Variants in OR1L8 observed in about 807,000 individuals in gnomAD.
The protein encoded by OR1L8 is olfactory receptor family 1 subfamily L member 8, also known as olfactory receptor 1L8.
For missense variants in OR1L8, 330 were observed against 377.4 expected (o/e 0.87, Z 1.04); for synonymous variants, 148 against 147.0 (o/e 1.01, Z -0.05).
At chr9:122,571,753 G>A (rs1402211281) in intron 4 of OR1L8, among the ~76,000 whole-genome samples, 1 of 151,816 alleles carries the variant, frequency 6.6e-6, no homozygotes, top group Non-Finnish European at 1.5e-5. Flanking sequence ...GGTGGAGGTG[G>A]GTCTTGTGTG....
At position 122,567,379 on chromosome 9, in the gene OR1L8, A is replaced by G; in HGVS notation, c.*169T>C. 2.0e-6 allele frequency: 1 copy of G among 509,898 alleles called. No individual in the cohort carries two copies. The highest frequency in any genetic ancestry group is 3.4e-6 in the Non-Finnish European group (1 of 292,514). 31.6% of individuals were successfully genotyped at this position (509,898 alleles called of 1,614,324 possible). On this transcript the variant is annotated 3_prime_UTR_variant, in exon 5 of 5. Transcript: ENST00000641027. ...GAAACGATTGTGATTTAAGAGATACAGGCCGAATTGTTGGGTCATCATCAA... is the reference window on the plus strand; with the variant it reads ...GAAACGATTGTGATTTAAGAGATACGGGCCGAATTGTTGGGTCATCATCAA...
intron 3 of OR1L8, 116 bp downstream of exon 3, chr9:122,576,650 A>AACTC (rs1042574836): frequency 2.6e-5 from 4 of 152,108 alleles, no homozygotes; most frequent in African/African-American, 7.2e-5. Flanking sequence ...TGGGAGGTAA[A>AACTC]ACTCACAACA....
the OR1L8 span, among the ~76,000 whole-genome samples, chr9:122,548,530 TTA>T: frequency 1.3e-5 from 2 of 152,066 alleles, no homozygotes; most frequent in East Asian, 1.9e-4. Context: ...TAGGAGATGG[TTA>T]TATGTTTTCT....
chr9:122,571,094 A>T (rs1829539085), intron 4 of OR1L8, among the ~76,000 whole-genome samples: 1 of 152,152 alleles, frequency 6.6e-6, no homozygotes, highest in Non-Finnish European at 1.5e-5. Flanking sequence ...CTACAGAATT[A>T]CCCTCTTGCC....
chr9:122,570,301 G>A (rs1404584056), intron 4 of OR1L8, among the ~76,000 whole-genome samples: 1 of 152,088 alleles, frequency 6.6e-6, no homozygotes, highest in Non-Finnish European at 1.5e-5. Flanking sequence ...CACCAACAGT[G>A]TAAAATTGTT....
At chr9:122,576,070 T>C (rs920656475) in intron 3 of OR1L8, among the ~76,000 whole-genome samples, 2 of 152,242 alleles carry the variant, frequency 1.3e-5, no homozygotes, top group Non-Finnish European at 2.9e-5. Context: ...AAGATCTACT[T>C]CTTTAAGTCT....
chr9:122,580,773 T>C (rs897066843), intron 1 of OR1L8, among the ~76,000 whole-genome samples: 6 of 149,378 alleles, frequency 4.0e-5, no homozygotes. Context: ...GTTTGTGTTG[T>C]ATTTGTTTTT....
At chr9:122,581,431 G>T (rs1014477819) in intron 1 of OR1L8, among the ~76,000 whole-genome samples, 2 of 152,024 alleles carry the variant, frequency 1.3e-5, no homozygotes, top group African/African-American at 2.4e-5. Flanking sequence ...TTACAGTTAG[G>T]TAAAAAGGTA....
rs1554740786 is a variant in OR1L8 at position 122,567,268 on chromosome 9, T to C, written c.*280A>G. 2 of 283,642 alleles carry C rather than the reference T, an allele frequency of 7.1e-6. No individual in the cohort carries two copies. Among genetic ancestry groups the C allele is most frequent in the Non-Finnish European group, 1.3e-5 (2 of 152,972 alleles). 17.6% of individuals were successfully genotyped at this position (283,642 alleles called of 1,614,324 possible). ...GAGAAATTTGTTTAGGAAATATTCA[T>C]GGGGAAAGGATTAGATTAAAGCAGT... On this transcript the variant is annotated 3_prime_UTR_variant, in exon 5 of 5. Transcript: ENST00000641027.
At chr9:122,577,497 C>A (rs1044102688) in intron 2 of OR1L8, among the ~76,000 whole-genome samples, 3 of 152,196 alleles carry the variant, frequency 2.0e-5, no homozygotes, top group Non-Finnish European at 1.5e-5. Context: ...TGAACATGAA[C>A]AGGCAATTCA....
At chr9:122,552,059 T>TA in the OR1L8 span, among the ~76,000 whole-genome samples, 3 of 103,350 alleles carry the variant, frequency 2.9e-5, no homozygotes, top group East Asian at 8.8e-4. Context: ...ACACATACAC[T>TA]CTCTCTCTCT....
intron 4 of OR1L8, among the ~76,000 whole-genome samples, chr9:122,571,542 T>G: frequency 1.2e-5 from 1 of 81,378 alleles, no homozygotes. Context: ...AGAGCCAGAC[T>G]GTCTCAAAAA....
chr9:122,580,346 G>A (rs978886393), intron 1 of OR1L8, among the ~76,000 whole-genome samples: 3 of 152,158 alleles, frequency 2.0e-5, no homozygotes, highest in African/African-American at 4.8e-5. Context: ...AGCCTTCGAC[G>A]TACAGGATGG....
chr9:122,575,357 A>G (rs1829634810), intron 3 of OR1L8, among the ~76,000 whole-genome samples: 1 of 152,170 alleles, frequency 6.6e-6, no homozygotes, highest in Middle Eastern at 3.4e-3. Context: ...TTATTGAGTC[A>G]ATTTCTTTTA....
the OR1L8 span, among the ~76,000 whole-genome samples, chr9:122,556,690 A>T: frequency 2.2e-4 from 34 of 152,308 alleles, no homozygotes; most frequent in African/African-American, 7.9e-4. Context: ...TAAAAGAAAA[A>T]AAAAGTAAGT....
chr9:122,564,404 G>C (rs115892682), downstream of OR1L8, among the ~76,000 whole-genome samples: 1 of 152,054 alleles, frequency 6.6e-6, no homozygotes, highest in African/African-American at 2.4e-5. Flanking sequence ...CTTGTGGAGT[G>C]GGGGGGTATT....
chr9:122,554,215 A>G, the OR1L8 span: 1 of 1,373,098 alleles, frequency 7.3e-7, no homozygotes, highest in Non-Finnish European at 1.0e-6. Context: ...CCTGTCTTCC[A>G]TCACTTCAGT....
At chr9:122,548,603 T>TATATATATATATATATATATATA in the OR1L8 span, among the ~76,000 whole-genome samples, 1 of 149,598 alleles carries the variant, frequency 6.7e-6, no homozygotes, top group Non-Finnish European at 1.5e-5. Flanking sequence ...ATATATATAT[T>TATATATATATATATATATATATA]TTTATTATAC....
chr9:122,573,165 G>A (rs182016050), intron 3 of OR1L8, among the ~76,000 whole-genome samples: 1 of 152,278 alleles, frequency 6.6e-6, no homozygotes, highest in Non-Finnish European at 1.5e-5. Context: ...GGCTGATATA[G>A]CTGTGGTGTG....
Sources: allele counts gnomAD v4.1 joint callset (sites outside exome capture counted in the v4.1 genomes callset), GRCh38; gene constraint gnomAD v4.1.1; transcripts MANE v1.5; gene names NCBI Gene and HGNC (gene_info 2026-07-23, HGNC 2026-07-21).